The following BLTP1 variants were observed in gnomAD, a reference collection of about 807,000 sequenced individuals.
BLTP1 encodes bridge-like lipid transfer protein family member 1.
the BLTP1 span, chr4:122,204,988 AT>A: frequency 6.3e-6 from 1 of 158,700 alleles, no homozygotes; most frequent in African/African-American, 2.4e-5. Flanking sequence ...AAAACTCTAT[AT>A]CTCATTAATA....
chr4:122,253,742 A>G, the BLTP1 span, among the ~76,000 whole-genome samples: 1 of 152,184 alleles, frequency 6.6e-6, no homozygotes, highest in Non-Finnish European at 1.5e-5. Context: ...TTAAAGGGGT[A>G]ACAACAGAGA....
At chr4:122,356,551 T>C in the BLTP1 span, 8 of 1,503,814 alleles carry the variant, frequency 5.3e-6, no homozygotes, top group African/African-American at 1.4e-5. Flanking sequence ...TGCATTTACA[T>C]AGACCTATAT....
At chr4:122,230,072 C>G in the BLTP1 span, 1 of 1,614,034 alleles carries the variant, frequency 6.2e-7, no homozygotes, top group Non-Finnish European at 8.5e-7. Context: ...GCCTGCAGTG[C>G]TACGGAGGGC....
chr4:122,210,673 AT>A, the BLTP1 span, among the ~76,000 whole-genome samples: 4 of 151,956 alleles, frequency 2.6e-5, no homozygotes, highest in Non-Finnish European at 5.9e-5. Context: ...TGATTTATGT[AT>A]TTCTCTCATA....
At chr4:122,292,674 G>A in the BLTP1 span, 4 of 754,624 alleles carry the variant, frequency 5.3e-6, no homozygotes, top group African/African-American at 7.6e-5. Flanking sequence ...TAAAAAGCAT[G>A]AATATTAAGA....
At chr4:122,339,536 A>G in the BLTP1 span, 1 of 681,776 alleles carries the variant, frequency 1.5e-6, no homozygotes, top group Non-Finnish European at 2.2e-6. Flanking sequence ...GATTATTTAT[A>G]GAAAGAAATC....
chr4:122,230,131 T>C, the BLTP1 span: 2 of 1,614,026 alleles, frequency 1.2e-6, no homozygotes, highest in East Asian at 2.2e-5. Context: ...TTACTGTTGA[T>C]ATTGCTTTAG....
the BLTP1 span, among the ~76,000 whole-genome samples, chr4:122,324,137 A>G: frequency 6.6e-6 from 1 of 151,756 alleles, no homozygotes; most frequent in East Asian, 1.9e-4. Flanking sequence ...TTTTAAAATC[A>G]TTTCCTTTCT....
At chr4:122,329,999 A>G in the BLTP1 span, among the ~76,000 whole-genome samples, 8 of 151,790 alleles carry the variant, frequency 5.3e-5, no homozygotes, top group Non-Finnish European at 1.0e-4. Context: ...TGTATCTGGC[A>G]TACTTCATGT....
the BLTP1 span, chr4:122,245,215 A>T: frequency 7.5e-7 from 1 of 1,329,560 alleles, no homozygotes; most frequent in African/African-American, 1.5e-5. Context: ...AACTTGAAAA[A>T]TTTTCTTTAC....
At chr4:122,186,396 A>C in the BLTP1 span, among the ~76,000 whole-genome samples, 1 of 151,988 alleles carries the variant, frequency 6.6e-6, no homozygotes, top group Non-Finnish European at 1.5e-5. Context: ...ATAATATAGA[A>C]TATGTAATCT....
chr4:122,296,749 C>G, the BLTP1 span, among the ~76,000 whole-genome samples: 4 of 152,172 alleles, frequency 2.6e-5, no homozygotes, highest in South Asian at 8.3e-4. Context: ...ATAGAGAACT[C>G]AGAAATAAGA....
the BLTP1 span, chr4:122,182,918 T>C: frequency 1.0e-6 from 1 of 984,556 alleles, no homozygotes; most frequent in Non-Finnish European, 1.2e-6. Context: ...AAAAACCACC[T>C]CTTTCTTGAA....
the BLTP1 span, chr4:122,331,394 C>T: frequency 4.3e-6 from 7 of 1,611,998 alleles, no homozygotes; most frequent in Non-Finnish European, 5.9e-6. Flanking sequence ...CGCTGGCCAA[C>T]AACACCAGTC....
At chr4:122,326,241 TAAAC>T in the BLTP1 span, among the ~76,000 whole-genome samples, 3 of 151,778 alleles carry the variant, frequency 2.0e-5, no homozygotes, top group Admixed American at 1.3e-4. Flanking sequence ...AATTTTTTCA[TAAAC>T]AAAGATCAGT....
At chr4:122,331,007 A>T in the BLTP1 span, 8 of 964,046 alleles carry the variant, frequency 8.3e-6, no homozygotes, top group Non-Finnish European at 9.9e-6. Context: ...AAAATCTGGA[A>T]AGTAACATTT....
At chr4:122,267,565 G>A in the BLTP1 span, 7 of 797,732 alleles carry the variant, frequency 8.8e-6, no homozygotes, top group Non-Finnish European at 1.1e-5. Context: ...TCTTGTAATA[G>A]TGGAATTTTT....
At chr4:122,184,755 G>T in the BLTP1 span, 1 of 984,808 alleles carries the variant, frequency 1.0e-6, no homozygotes, top group African/African-American at 1.7e-5. Flanking sequence ...TTAGCATACT[G>T]CCTTTCTAAG....
the BLTP1 span, chr4:122,171,822 G>C: frequency 7.6e-5 from 75 of 984,206 alleles, no homozygotes; most frequent in Non-Finnish European, 8.9e-5. Flanking sequence ...ATAACAAGCA[G>C]AAAAACATTG....
Sources: gnomAD v4.1 joint callset for allele counts (sites outside exome capture counted in the v4.1 genomes callset) on GRCh38, gnomAD v4.1.1 for gene constraint, MANE v1.5 for transcripts, NCBI Gene and HGNC (gene_info 2026-07-23, HGNC 2026-07-21) for gene names.